Variants in SORCS2 observed in about 807,000 individuals in gnomAD.
SORCS2 encodes sortilin related VPS10 domain containing receptor 2.
A neutral mutation model predicts 141.6 loss-of-function variants in SORCS2; 100 were observed. The ratio of observed to expected loss-of-function variants is 0.71; its 90% CI spans 0.60 to 0.83. The LOEUF is 0.83. SORCS2 is among the 40% of genes least tolerant of loss of function. The probability of loss-of-function intolerance (pLI) is 0.00; values close to 1 mark genes in which losing one functional copy is unlikely to be tolerated. For missense variants in SORCS2, 1,646 were observed against 1,560.2 expected (o/e 1.05, Z -0.93); for synonymous variants, 789 against 676.9 (o/e 1.17, Z -2.57).
At chr4:7,316,922 G>T (rs191832348) in intron 1 of SORCS2, among the ~76,000 whole-genome samples, 1 of 152,112 alleles carries the variant, frequency 6.6e-6, no homozygotes, top group Non-Finnish European at 1.5e-5. Context: ...AGTCTCTTGT[G>T]GCTTCTGGTT....
At chr4:7,398,858 G>C (rs1029792483) in intron 2 of SORCS2, among the ~76,000 whole-genome samples, 2 of 152,100 alleles carry the variant, frequency 1.3e-5, no homozygotes, top group African/African-American at 4.8e-5. Flanking sequence ...TTGTTCCCTG[G>C]AATGAATCAG....
chr4:7,741,426 G>A lies in SORCS2; in HGVS notation c.*1162G>A. 1.2e-5 allele frequency: 2 copies of A among 162,492 alleles called. No homozygotes were observed. The highest frequency in any genetic ancestry group is 2.4e-5 in the Non-Finnish European group (2 of 83,860). 10.1% of individuals were successfully genotyped at this position (162,492 alleles called of 1,614,324 possible). ...GTTTCCTAGAATCAGGGATGTTAGT[G>A]TAAGTCTATAGGAATATAGGGGGGT... On this transcript the variant is annotated 3_prime_UTR_variant, in exon 27 of 27. Transcript: ENST00000507866.
chr4:7,667,255 T>G (rs899477488), intron 8 of SORCS2, 42 bp downstream of exon 8: 1 of 1,577,072 alleles, frequency 6.3e-7, no homozygotes, highest in African/African-American at 1.3e-5. Context: ...GGCCAGACCC[T>G]AAGCTTATCC....
intron 2 of SORCS2, among the ~76,000 whole-genome samples, chr4:7,443,794 G>T (rs1188301271): frequency 6.6e-6 from 1 of 152,230 alleles, no homozygotes; most frequent in Non-Finnish European, 1.5e-5. Flanking sequence ...CTCCCATGTG[G>T]CCTGGCCTCC....
At chr4:7,601,177 A>G (rs1283357570) in intron 3 of SORCS2, among the ~76,000 whole-genome samples, 2 of 152,214 alleles carry the variant, frequency 1.3e-5, no homozygotes, top group East Asian at 1.9e-4. Flanking sequence ...GTGAATAAGT[A>G]TCTTTATCTT....
rs140673430 is a variant in SORCS2, at chr4:7,289,255, C to T, written c.480+96129C>T. 1.2e-4 allele frequency among the ~76,000 whole-genome samples: 19 copies of T among 152,100 alleles called. No homozygotes were observed. The East Asian group carries it at 3.3e-3, about 26-fold the overall frequency. On this transcript the variant is annotated intron_variant, in intron 1 of 26. Coordinates refer to ENST00000507866, the MANE Select transcript of SORCS2 (RefSeq NM_020777.3). ...GATGGAGGTCTCTCTACCTGGAAGA[C>T]CCTCCTTTGCCTTTGTCTGGCTCAC... is the stretch of plus-strand genomic sequence containing the variant.
chr4:7,724,742 G>GTGATGA (rs1553808615), intron 19 of SORCS2, among the ~76,000 whole-genome samples: 1 of 20,250 alleles, frequency 4.9e-5, no homozygotes, highest in African/African-American at 3.3e-4. Flanking sequence ...GGTGGTAGTA[G>GTGATGA]TGGTGATGGT....
intron 1 of SORCS2, among the ~76,000 whole-genome samples, chr4:7,323,656 G>A (rs752364186): frequency 7.3e-4 from 111 of 152,086 alleles, no homozygotes; most frequent in African/African-American, 1.0e-3. Flanking sequence ...CCACTGCCAC[G>A]TGGCTAGGGG....
intron 3 of SORCS2, among the ~76,000 whole-genome samples, chr4:7,631,047 CT>C (rs11356756): frequency 0.19 from 24,517 of 131,196 alleles, 2,474 homozygotes; most frequent in African/African-American, 0.29. Context: ...TTTTCCTTTT[CT>C]TTTTTTTTTT....
chr4:7,713,808 G>A (rs1725988690), intron 15 of SORCS2, among the ~76,000 whole-genome samples: 1 of 152,192 alleles, frequency 6.6e-6, no homozygotes, highest in African/African-American at 2.4e-5. Flanking sequence ...ATCCTCACTG[G>A]CCCCACCCCT....
At chr4:7,245,358 GC>G (rs1713014022) in intron 1 of SORCS2, among the ~76,000 whole-genome samples, 1 of 152,228 alleles carries the variant, frequency 6.6e-6, no homozygotes, top group Non-Finnish European at 1.5e-5. Context: ...ACCGGAGGTG[GC>G]CTGGAGCTCC....
At chr4:7,249,274 T>C (rs1577320680) in intron 1 of SORCS2, among the ~76,000 whole-genome samples, 1 of 152,192 alleles carries the variant, frequency 6.6e-6, no homozygotes, top group South Asian at 2.1e-4. Context: ...AGCTTGGGAC[T>C]GGCTGGTGTC....
At chr4:7,370,758 G>A (rs73079977) in intron 1 of SORCS2, among the ~76,000 whole-genome samples, 3,137 of 152,276 alleles carry the variant, frequency 0.021, 127 homozygotes, top group African/African-American at 0.071. Context: ...TTCTCTGGGT[G>A]GAGGGACTGG....
intron 2 of SORCS2, among the ~76,000 whole-genome samples, chr4:7,427,610 T>C (rs929180340): frequency 3.9e-5 from 6 of 152,042 alleles, no homozygotes; most frequent in South Asian, 4.2e-4. Context: ...CTGGGTTTCA[T>C]TGGTTATGCA....
chr4:7,429,728 G>T (rs1265236900), intron 2 of SORCS2, among the ~76,000 whole-genome samples: 6 of 152,202 alleles, frequency 3.9e-5, no homozygotes, highest in Admixed American at 6.5e-5. Context: ...AGAGTGGTGG[G>T]GTCAGGACTT....
chr4:7,691,914 C>T (rs1028430826), intron 11 of SORCS2, among the ~76,000 whole-genome samples: 3 of 152,064 alleles, frequency 2.0e-5, no homozygotes, highest in African/African-American at 7.2e-5. Flanking sequence ...CTGAATTGTG[C>T]AGGAGTCATG....
chr4:7,577,471 G>A (rs1396435502), intron 3 of SORCS2, among the ~76,000 whole-genome samples: 1 of 151,758 alleles, frequency 6.6e-6, no homozygotes, highest in East Asian at 1.9e-4. Flanking sequence ...ATGGTTTGGA[G>A]AAGTTATGTA....
At chr4:7,453,195 T>A (rs1316455558) in intron 2 of SORCS2, among the ~76,000 whole-genome samples, 4 of 103,986 alleles carry the variant, frequency 3.8e-5, no homozygotes, top group South Asian at 3.6e-4. Context: ...GGGGTCAGGC[T>A]CCGTGTTGGG....
chr4:7,520,833 C>T (rs1228664976), intron 2 of SORCS2, among the ~76,000 whole-genome samples: 1 of 152,212 alleles, frequency 6.6e-6, no homozygotes, highest in Non-Finnish European at 1.5e-5. Flanking sequence ...GACACAGCTC[C>T]TGCACTGGGT....
Sources: gnomAD v4.1 joint callset for allele counts (sites outside exome capture counted in the v4.1 genomes callset) on GRCh38, gnomAD v4.1.1 for gene constraint, MANE v1.5 for transcripts, NCBI Gene and HGNC (gene_info 2026-07-23, HGNC 2026-07-21) for gene names.